The following PATL2 variants were observed in gnomAD, a reference collection of about 807,000 sequenced individuals.
The protein encoded by PATL2 is protein PAT1 homolog 2.
A neutral mutation model predicts 77.0 loss-of-function variants in PATL2; 73 were observed. That is an observed-to-expected ratio of 0.95 (90% CI 0.78 to 1.15). PATL2 has a LOEUF of 1.15. PATL2 is among the 50% of genes most tolerant of loss of function. The probability of loss-of-function intolerance (pLI) is 0.00; values close to 1 mark genes in which losing one functional copy is unlikely to be tolerated. For synonymous variants in PATL2, 265 were observed against 257.1 expected (o/e 1.03, Z -0.29); for missense variants, 618 against 655.4 (o/e 0.94, Z 0.62).
intron 6 of PATL2, among the ~76,000 whole-genome samples, chr15:44,673,669 C>CATGTGCTT (rs1442092780): frequency 1.3e-5 from 2 of 152,154 alleles, no homozygotes; most frequent in African/African-American, 4.8e-5. Context: ...CTATAATAGT[C>CATGTGCTT]TTCTCTTGGG....
rs761946357 is a variant in PATL2, at chr15:44,672,038, G to A, written c.634C>T (p.Arg212Cys). 53 of 1,551,644 alleles carry A rather than the reference G, an allele frequency of 3.4e-5. No individual in the cohort carries two copies. Among genetic ancestry groups the A allele is most frequent in the Non-Finnish European group, 4.1e-5 (47 of 1,146,980 alleles). ...QMVQLQSAKP[R>C]LDDYYYQEYY... ...ACCTGGTAATAGTAGTCATCCAGGCGGGGTTTTGCACTCTGCAGCTGCACC... is the reference window on the plus strand; with the variant it reads ...ACCTGGTAATAGTAGTCATCCAGGCAGGGTTTTGCACTCTGCAGCTGCACC... Residue 212 changes from arginine (R) to cysteine (C), a missense_variant, in exon 9 of 18, where the codon CGC (arginine) becomes TGC (cysteine). Arg to Cys is a radical substitution (Grantham distance 180, BLOSUM62 -3). Coordinates refer to ENST00000682850, the MANE Select transcript of PATL2 (RefSeq NM_001387263.1).
rs1046135742 is a variant in PATL2, at chr15:44,674,137, G to A, written c.303+13C>T. 32 of 1,537,966 alleles carry A rather than the reference G, an allele frequency of 2.1e-5. No individual in the cohort carries two copies. Among genetic ancestry groups the A allele is most frequent in the Non-Finnish European group, 2.4e-5 (27 of 1,135,070 alleles). On this transcript the variant is annotated intron_variant, in intron 6 of 17. Coordinates refer to ENST00000682850, the MANE Select transcript of PATL2 (RefSeq NM_001387263.1). ...CCTCACTACCCACAGTATGGAGACT[G>A]CAGCAGACTCACCTGCCACAGAAAA...
intron 7 of PATL2, 95 bp downstream of exon 7, chr15:44,673,140 T>C: frequency 7.1e-7 from 1 of 1,412,676 alleles, no homozygotes; most frequent in African/African-American, 1.4e-5. Context: ...TCTTACTAGT[T>C]TTCTGTGTTT....
At chr15:44,691,155 G>A (rs887215412) in intron 3 of PATL2, among the ~76,000 whole-genome samples, 1 of 151,850 alleles carries the variant, frequency 6.6e-6, no homozygotes, top group African/African-American at 2.4e-5. Flanking sequence ...ACTCAAAAAT[G>A]TTATTGTTTT....
intron 3 of PATL2, among the ~76,000 whole-genome samples, chr15:44,684,096 C>T (rs1470582147): frequency 6.6e-6 from 1 of 151,146 alleles, no homozygotes; most frequent in Non-Finnish European, 1.5e-5. Flanking sequence ...CCGAAGGTTA[C>T]CAACATCAAA....
rs1336333369 is a variant in PATL2 at position 44,667,174 on chromosome 15, CAGCAGGGCATAGAGCAAAGA to C, written c.1375_1394del (p.Ser459GlufsTer19). Reference sequence around the variant, plus strand: ...GCGATACCAGTTGCTCCCCATGGCTCAGCAGGGCATAGAGCAAAGATATTCCAAACTGCAAGGGACATATA... The same window carrying C: ...GCGATACCAGTTGCTCCCCATGGCTCTATTCCAAACTGCAAGGGACATATA... On this transcript the variant is annotated frameshift_variant, in exon 16 of 18. Transcript: ENST00000682850. LOFTEE classifies it high-confidence loss of function. 1 of 1,551,552 alleles carries C rather than the reference CAGCAGGGCATAGAGCAAAGA, an allele frequency of 6.4e-7. No homozygotes were observed. Among genetic ancestry groups the C allele is most frequent in the African/African-American group, 1.4e-5 (1 of 73,022 alleles).
Position 44,669,422 on chromosome 15 carries a change from T to G in PATL2, c.931-9A>C. The G allele has an allele frequency of 6.5e-7, 1 of 1,548,504 alleles. No homozygotes were observed. Among genetic ancestry groups the G allele is most frequent in the South Asian group, 1.2e-5 (1 of 84,032 alleles). ...AGTAACTGAAGGAACATCTGGGAAT[T>G]TGAGGGTGGAAAAAAGAGGTAAATT... is the stretch of plus-strand genomic sequence containing the variant. On this transcript the variant is annotated splice_polypyrimidine_tract_variant and intron_variant, in intron 12 of 17. Transcript: ENST00000682850.
chr15:44,690,755 A>T (rs894458739), intron 3 of PATL2, among the ~76,000 whole-genome samples: 2 of 152,126 alleles, frequency 1.3e-5, no homozygotes, highest in African/African-American at 4.8e-5. Flanking sequence ...ATTTATGTTA[A>T]GCTCAGATCT....
At chr15:44,672,359 C>T in intron 8 of PATL2, 29 bp downstream of exon 8, 2 of 1,550,224 alleles carry the variant, frequency 1.3e-6, no homozygotes, top group Non-Finnish European at 1.7e-6. Context: ...ATGGGCTCCC[C>T]TCAACCCTGC....
chr15:44,707,690 G>T (rs1285707437), intron 3 of PATL2, among the ~76,000 whole-genome samples: 1 of 152,170 alleles, frequency 6.6e-6, no homozygotes, highest in Non-Finnish European at 1.5e-5. Flanking sequence ...GCCCTGCCTG[G>T]GGTTGGGAGA....
Position 44,669,324 on chromosome 15 carries a change from C to T in PATL2, c.1020G>A (p.Glu340=), listed in dbSNP as rs1386060632. The T allele has an allele frequency of 3.9e-6, 6 of 1,551,522 alleles. No homozygotes were observed. Among genetic ancestry groups the T allele is most frequent in the Non-Finnish European group, 4.4e-6 (5 of 1,146,960 alleles). The change falls in exon 13 of 18, where the codon GAG becomes GAA. Residue 340 remains glutamate, a synonymous_variant. Transcript: ENST00000682850. ...CFSEQQSNQV[E]KLFQTLKTQE... ...GGGTCTTTAAGGTCTGGAAGAGCTTCTCAACCTGGTTGCTTTGCTGCTCAG... is the reference window on the plus strand; with the variant it reads ...GGGTCTTTAAGGTCTGGAAGAGCTTTTCAACCTGGTTGCTTTGCTGCTCAG...
At chr15:44,672,980 G>C (rs573201112) in intron 7 of PATL2, among the ~76,000 whole-genome samples, 1 of 152,146 alleles carries the variant, frequency 6.6e-6, no homozygotes, top group Non-Finnish European at 1.5e-5. Flanking sequence ...GGCTGGTCTC[G>C]AACTCCTGGC....
intron 3 of PATL2, among the ~76,000 whole-genome samples, chr15:44,693,420 C>T (rs1347720375): frequency 6.6e-6 from 1 of 152,174 alleles, no homozygotes; most frequent in Non-Finnish European, 1.5e-5. Context: ...CCTTCATCTT[C>T]AAAGCCAGCT....
At chr15:44,695,606 G>A (rs544931046) in intron 3 of PATL2, among the ~76,000 whole-genome samples, 14 of 152,216 alleles carry the variant, frequency 9.2e-5, no homozygotes, top group Middle Eastern at 3.4e-3. Flanking sequence ...ACCGGCTGCC[G>A]GCTGGCCTTT....
At chr15:44,679,408 A>T (rs2141223134) in intron 3 of PATL2, among the ~76,000 whole-genome samples, 1 of 151,952 alleles carries the variant, frequency 6.6e-6, no homozygotes, top group African/African-American at 2.4e-5. Flanking sequence ...TTGTATTTTT[A>T]GTATAGAAGG....
intron 3 of PATL2, among the ~76,000 whole-genome samples, chr15:44,695,953 A>G (rs2086494622): frequency 6.6e-6 from 1 of 152,236 alleles, no homozygotes; most frequent in African/African-American, 2.4e-5. Context: ...TAACAGTGTC[A>G]GGGGGCAGCC....
In PATL2 at chr15:44,700,904, T is replaced by C. The variant is rs548638471; in HGVS notation, c.-76+9192A>G. Among the ~76,000 whole-genome samples the C allele has an allele frequency of 6.0e-4, 91 of 152,314 alleles. 1 individual carries two copies. Among genetic ancestry groups the C allele is most frequent in the Admixed American group, 1.2e-3 (18 of 15,290 alleles). On this transcript the variant is annotated intron_variant, in intron 3 of 17. Transcript: ENST00000682850. The stretch of plus-strand genomic sequence containing the variant: ...ATTCACTATGATACTAGCTGTGGGT[T>C]TGTCATATAGCTTTTACTGTGTTGA...
intron 9 of PATL2, among the ~76,000 whole-genome samples, chr15:44,671,262 G>A (rs1192085059): frequency 6.6e-6 from 1 of 152,192 alleles, no homozygotes; most frequent in Non-Finnish European, 1.5e-5. Flanking sequence ...GCCGAGGCGG[G>A]TGGATCACTT....
intron 3 of PATL2, among the ~76,000 whole-genome samples, chr15:44,687,641 T>G (rs1195440784): frequency 6.6e-6 from 1 of 152,198 alleles, no homozygotes; most frequent in Non-Finnish European, 1.5e-5. Context: ...ATGACATGAT[T>G]GTATATTTAG....
Sources: gnomAD v4.1 joint callset for allele counts (sites outside exome capture counted in the v4.1 genomes callset) on GRCh38, gnomAD v4.1.1 for gene constraint, MANE v1.5 for transcripts, NCBI Gene and HGNC (gene_info 2026-07-23, HGNC 2026-07-21) for gene names.